Variants in VAV3 observed in about 807,000 individuals in gnomAD.
VAV3 encodes the protein guanine nucleotide exchange factor VAV3.
A neutral mutation model predicts 131.2 loss-of-function variants in VAV3; 94 were observed. The observed-to-expected ratio is 0.72, with a 90% confidence interval of 0.61 to 0.85. VAV3 has a LOEUF of 0.85. VAV3 is among the 40% of genes least tolerant of loss of function. The pLI, the probability that VAV3 is intolerant of heterozygous loss-of-function variation, is 0.00. For synonymous variants in VAV3, 349 were observed against 342.0 expected (o/e 1.02, Z -0.22); for missense variants, 939 against 1,002.7 (o/e 0.94, Z 0.86).
At chr1:107,874,134 CATCAGCATAAGCT>C (rs913239394) in intron 2 of VAV3, among the ~76,000 whole-genome samples, 4 of 152,138 alleles carry the variant, frequency 2.6e-5, no homozygotes, top group African/African-American at 9.7e-5. Flanking sequence ...AATGCAATTA[CATCAGCATAAGCT>C]AAAGTCCTGT....
chr1:107,925,940 A>G (rs985806825), intron 1 of VAV3, among the ~76,000 whole-genome samples: 4 of 151,748 alleles, frequency 2.6e-5, no homozygotes, highest in African/African-American at 9.7e-5. Context: ...ATATAAACAG[A>G]GATGTATCTC....
rs760604932 is a variant in VAV3, at chr1:107,753,513, C to CACACATATATATACACACAT, written c.1173+1913_1173+1914insATGTGTGTATATATATGTGT. Among the ~76,000 whole-genome samples the CACACATATATATACACACAT allele has an allele frequency of 3.2e-4, 26 of 80,640 alleles. 2 individuals are homozygous for CACACATATATATACACACAT. Among genetic ancestry groups the CACACATATATATACACACAT allele is most frequent in the East Asian group, 1.3e-3 (4 of 3,086 alleles). The allele number at this position is 80,640 out of a possible 152,430, so 52.9% of individuals were successfully genotyped here. A position where few individuals can be genotyped will look rare whatever the true frequency, so the allele number is the denominator to read the frequency against. The stretch of plus-strand genomic sequence containing the variant: ...ATATATACACACATATATATACACA[C>CACACATATATATACACACAT]ATATATATATATACGTATATATATA... On this transcript the variant is annotated intron_variant, in intron 12 of 26. Coordinates refer to ENST00000370056, the MANE Select transcript of VAV3 (RefSeq NM_006113.5).
intron 19 of VAV3, among the ~76,000 whole-genome samples, chr1:107,644,871 A>G (rs144687563): frequency 1.7e-4 from 26 of 151,756 alleles, no homozygotes; most frequent in African/African-American, 6.3e-4. Context: ...TGCCCATAAC[A>G]TGTAAAATTA....
Position 107,964,753 on chromosome 1 carries a change from A to G in VAV3, c.117T>C (p.Asp39=), listed in dbSNP as rs1345999169. The change falls in exon 1 of 27, where the codon GAT becomes GAC. Residue 39 remains aspartate (D), a synonymous_variant. Transcript: ENST00000370056. ...TAAGCAGCTGGCAGAGCAGGACTCCATCGCGGAGGGTCTGCGCAAGGTCGA... is the reference window on the plus strand; with the variant it reads ...TAAGCAGCTGGCAGAGCAGGACTCCGTCGCGGAGGGTCTGCGCAAGGTCGA... The part of the protein sequence containing the change: ...QVFDLAQTLR[D]GVLLCQLLNN... 5 of 1,614,006 alleles carry G rather than the reference A, an allele frequency of 3.1e-6. No individual in the cohort carries two copies. Among genetic ancestry groups the G allele is most frequent in the Non-Finnish European group, 4.2e-6 (5 of 1,180,020 alleles).
chr1:107,655,055 T>A (rs1000809346), intron 19 of VAV3, among the ~76,000 whole-genome samples: 1 of 152,084 alleles, frequency 6.6e-6, no homozygotes, highest in Non-Finnish European at 1.5e-5. Flanking sequence ...ATAAAACTTT[T>A]ATTTCTGCCT....
At chr1:107,843,638 A>G (rs1668828763) in intron 2 of VAV3, among the ~76,000 whole-genome samples, 1 of 151,810 alleles carries the variant, frequency 6.6e-6, no homozygotes, top group African/African-American at 2.4e-5. Context: ...CACATTACCG[A>G]GGAATATTCA....
intron 2 of VAV3, among the ~76,000 whole-genome samples, chr1:107,843,199 C>T (rs184102019): frequency 1.3e-5 from 2 of 151,952 alleles, no homozygotes; most frequent in Admixed American, 1.3e-4. Flanking sequence ...TGGAATCAGG[C>T]TACTTGGATT....
chr1:107,674,089 G>A (rs536127806), intron 19 of VAV3, among the ~76,000 whole-genome samples: 2 of 152,318 alleles, frequency 1.3e-5, no homozygotes, highest in South Asian at 2.1e-4. Flanking sequence ...TCTGAAGGTA[G>A]TTTTTCAGAA....
In VAV3 at chr1:107,788,788, G is replaced by A. The variant is rs145935421; in HGVS notation, c.322-9296C>T. Among the ~76,000 whole-genome samples, 443 of 152,254 alleles carry A rather than the reference G, an allele frequency of 2.9e-3. 1 individual carries two copies. Among genetic ancestry groups the A allele is most frequent in the African/African-American group, 0.01 (423 of 41,544 alleles). ...GATAAAGAATTGTTAGTACACAACC[G>A]TAAAAGAAACACTTTCATTTTGAAA... On this transcript the variant is annotated intron_variant, in intron 2 of 26. Transcript: ENST00000370056.
At chr1:107,749,144 TACC>T (rs1663544759) in intron 14 of VAV3, 67 bp from the exon 15 acceptor site, 1 of 1,167,104 alleles carries the variant, frequency 8.6e-7, no homozygotes, top group Non-Finnish European at 1.2e-6. Flanking sequence ...TTCACAAGAA[TACC>T]ACAACTATCC....
intron 1 of VAV3, among the ~76,000 whole-genome samples, chr1:107,957,441 G>A (rs1003922186): frequency 2.6e-5 from 4 of 152,018 alleles, no homozygotes; most frequent in Non-Finnish European, 5.9e-5. Context: ...CATACCTATG[G>A]AGCCACTGTA....
chr1:107,692,846 G>A (rs1326813816), intron 17 of VAV3, among the ~76,000 whole-genome samples: 1 of 152,198 alleles, frequency 6.6e-6, no homozygotes, highest in African/African-American at 2.4e-5. Context: ...TAAAGGAAAA[G>A]ATGCATTATA....
At position 107,634,194 on chromosome 1, in the gene VAV3, A is replaced by G. The variant is rs545716666; in HGVS notation, c.1914+8425T>C. ...TCCTAAGCCAAAAGAACAAAGCTGG[A>G]GGCATCATGCTACCTGACTTCAAAC... On this transcript the variant is annotated intron_variant, in intron 20 of 26. Transcript: ENST00000370056. Among the ~76,000 whole-genome samples the G allele has an allele frequency of 7.1e-4, 108 of 152,270 alleles. 1 individual carries two copies. Among genetic ancestry groups the G allele is most frequent in the African/African-American group, 2.4e-3 (99 of 41,556 alleles).
chr1:107,964,510 A>C, intron 1 of VAV3, 156 bp downstream of exon 1: 2 of 762,538 alleles, frequency 2.6e-6, no homozygotes, highest in Non-Finnish European at 2.0e-6. Context: ...CCAAGGTAGG[A>C]AACGCCAAAG....
chr1:107,822,274 G>A (rs936288732), intron 2 of VAV3, among the ~76,000 whole-genome samples: 5 of 152,082 alleles, frequency 3.3e-5, no homozygotes, highest in African/African-American at 1.2e-4. Context: ...GTATGGTGAA[G>A]GGAAGGCAAA....
chr1:107,930,228 C>T lies in VAV3; in HGVS notation c.204+34438G>A, dbSNP rs1673361956. Among the ~76,000 whole-genome samples the T allele has an allele frequency of 2.0e-5, 3 of 151,948 alleles. No homozygotes were observed. The South Asian group carries it at 6.2e-4, about 31-fold the overall frequency. The stretch of plus-strand genomic sequence containing the variant: ...CTTAAATGCTTGACATGATGGATAC[C>T]CCATGTACTCTGATGTGATTATTAC... On this transcript the variant is annotated intron_variant, in intron 1 of 26. Transcript: ENST00000370056.
At chr1:107,949,360 G>C (rs977073326) in intron 1 of VAV3, among the ~76,000 whole-genome samples, 1 of 152,030 alleles carries the variant, frequency 6.6e-6, no homozygotes, top group Non-Finnish European at 1.5e-5. Context: ...GTCCAGGCTG[G>C]AGTGCAGTGG....
chr1:107,944,415 A>G (rs1016624059), intron 1 of VAV3, among the ~76,000 whole-genome samples: 1 of 152,208 alleles, frequency 6.6e-6, no homozygotes, highest in African/African-American at 2.4e-5. Flanking sequence ...TATTCTAACA[A>G]AAGTTCTTCC....
At chr1:107,652,725 T>C (rs1175474487) in intron 19 of VAV3, among the ~76,000 whole-genome samples, 3 of 152,202 alleles carry the variant, frequency 2.0e-5, no homozygotes, top group South Asian at 2.1e-4. Flanking sequence ...ATTGGTATTA[T>C]AGAAACAAAC....
Sources: allele counts gnomAD v4.1 joint callset (sites outside exome capture counted in the v4.1 genomes callset), GRCh38; gene constraint gnomAD v4.1.1; transcripts MANE v1.5; gene names NCBI Gene and HGNC (gene_info 2026-07-23, HGNC 2026-07-21).